The following C2CD5 variants were observed in gnomAD, a reference collection of about 807,000 sequenced individuals.
C2CD5 encodes C2 calcium dependent domain containing 5.
In C2CD5, 109 loss-of-function variants were observed where a neutral mutation model predicts 130.3. The observed-to-expected ratio is 0.84, with a 90% CI of 0.72 to 0.98. The LOEUF is 0.98. Ranked by LOEUF, C2CD5 falls within the 50% of genes least tolerant of loss-of-function variation. C2CD5 has a pLI of 0.00. For synonymous variants in C2CD5, 454 were observed against 429.2 expected (o/e 1.06, Z -0.71); for missense variants, 996 against 1,261.8 (o/e 0.79, Z 3.19).
At chr12:22,516,436 A>G (rs985780508) in intron 8 of C2CD5, among the ~76,000 whole-genome samples, 1 of 151,756 alleles carries the variant, frequency 6.6e-6, no homozygotes, top group African/African-American at 2.4e-5. Flanking sequence ...ATACATGAGA[A>G]TAACACCCCA....
chr12:22,512,747 T>A, intron 9 of C2CD5: 1 of 1,144,290 alleles, frequency 8.7e-7, no homozygotes. Context: ...CTGTAACTGC[T>A]TATTTTCCCA....
chr12:22,504,455 C>T (rs916381994), intron 10 of C2CD5, among the ~76,000 whole-genome samples: 4 of 152,048 alleles, frequency 2.6e-5, no homozygotes, highest in African/African-American at 9.7e-5. Flanking sequence ...GCGCCTGCCA[C>T]CAGGCCCAGC....
chr12:22,526,265 T>C (rs1356062178), intron 4 of C2CD5, among the ~76,000 whole-genome samples: 1 of 152,156 alleles, frequency 6.6e-6, no homozygotes, highest in Non-Finnish European at 1.5e-5. Context: ...CCATTTGAAT[T>C]GATGATGATG....
intron 23 of C2CD5, among the ~76,000 whole-genome samples, chr12:22,459,018 A>AT (rs1940559670): frequency 6.6e-6 from 1 of 152,232 alleles, no homozygotes; most frequent in African/African-American, 2.4e-5. Flanking sequence ...AGAGAATCAA[A>AT]TGTTGAAGAA....
At chr12:22,455,965 G>A (rs768268705) in intron 25 of C2CD5, among the ~76,000 whole-genome samples, 1 of 152,182 alleles carries the variant, frequency 6.6e-6, no homozygotes, top group Non-Finnish European at 1.5e-5. Flanking sequence ...GAATATAGGC[G>A]TGAGCCACTG....
Position 22,478,321 on chromosome 12 carries a change from T to A in C2CD5, c.1894A>T (p.Asn632Tyr), listed in dbSNP as rs771157293. 6.2e-7 allele frequency: 1 copy of A among 1,610,330 alleles called. No homozygotes were observed. Among genetic ancestry groups the A allele is most frequent in the Non-Finnish European group, 8.5e-7 (1 of 1,176,722 alleles). Residue 632 changes from asparagine to tyrosine, a missense_variant, in exon 15 of 27, where the codon AAT becomes TAT. Asn to Tyr is a moderately radical substitution (Grantham distance 143, BLOSUM62 -2). Coordinates refer to ENST00000446597, the MANE Select transcript of C2CD5 (RefSeq NM_001286176.2). Reference protein sequence around the residue: ...IAKNKELYEINPPEISEEIIG... With the variant: ...IAKNKELYEIYPPEISEEIIG... Reference sequence around the variant, plus strand: ...AGGTTTGTTTTACTTACTGGAGGATTGATTTCATATAACTCTTTGTTTTTA... The same window carrying A: ...AGGTTTGTTTTACTTACTGGAGGATAGATTTCATATAACTCTTTGTTTTTA...
chr12:22,518,525 G>C (rs904126841), intron 7 of C2CD5, among the ~76,000 whole-genome samples: 10 of 152,062 alleles, frequency 6.6e-5, no homozygotes, highest in Non-Finnish European at 1.2e-4. Context: ...TTTTATATTT[G>C]CACACACACA....
At chr12:22,471,341 T>C in intron 20 of C2CD5, 58 bp downstream of exon 20, 1 of 919,850 alleles carries the variant, frequency 1.1e-6, no homozygotes, top group East Asian at 2.5e-5. Flanking sequence ...GATAAACAGA[T>C]AATGAAAATA....
chr12:22,506,883 T>C lies in C2CD5; in HGVS notation c.1039-64A>G, dbSNP rs1948607588. On this transcript the variant is annotated intron_variant, in intron 9 of 26. Transcript: ENST00000446597. ...TGTAGAGTGTAAAAAATTTGCTTAT[T>C]AAAAAGCTTGCCATAGCAACTGTAT... 2.1e-5 allele frequency: 21 copies of C among 1,000,744 alleles called. No individual in the cohort carries two copies. In the South Asian group the frequency reaches 2.6e-4, roughly 12 times the overall value. The allele number at this position is 1,000,744 out of a possible 1,614,324, so 62.0% of individuals were successfully genotyped here.
intron 3 of C2CD5, among the ~76,000 whole-genome samples, chr12:22,530,766 A>G (rs1043837428): frequency 6.6e-6 from 1 of 152,166 alleles, no homozygotes; most frequent in Non-Finnish European, 1.5e-5. Flanking sequence ...CACTAACTTA[A>G]GAAATTTTAA....
intron 10 of C2CD5, among the ~76,000 whole-genome samples, chr12:22,506,399 A>G (rs928763709): frequency 6.6e-6 from 1 of 152,206 alleles, no homozygotes; most frequent in Admixed American, 6.5e-5. Context: ...CTAACATCTT[A>G]AACTAATGGC....
intron 11 of C2CD5, 63 bp downstream of exon 11, chr12:22,493,160 T>C: frequency 1.1e-6 from 1 of 907,838 alleles, no homozygotes; most frequent in Non-Finnish European, 1.7e-6. Flanking sequence ...GCATGAAGCT[T>C]TTCCCCTTTC....
chr12:22,517,238 C>A (rs1949822471), intron 8 of C2CD5, among the ~76,000 whole-genome samples: 1 of 151,528 alleles, frequency 6.6e-6, no homozygotes, highest in South Asian at 2.1e-4. Flanking sequence ...GACAAAAATA[C>A]TATTTATAAA....
chr12:22,486,769 G>C (rs886484835), intron 12 of C2CD5, among the ~76,000 whole-genome samples: 1 of 152,106 alleles, frequency 6.6e-6, no homozygotes, highest in South Asian at 2.1e-4. Context: ...AATGTTGGTA[G>C]AACTAGAGTG....
chr12:22,508,265 A>T (rs1457984806), intron 9 of C2CD5, among the ~76,000 whole-genome samples: 2 of 152,208 alleles, frequency 1.3e-5, no homozygotes, highest in Non-Finnish European at 2.9e-5. Context: ...GAGAAAGAAA[A>T]ATCTATGCTA....
chr12:22,529,629 T>C (rs1420014940), intron 3 of C2CD5, among the ~76,000 whole-genome samples: 3 of 152,218 alleles, frequency 2.0e-5, no homozygotes, highest in Non-Finnish European at 4.4e-5. Context: ...CAAAATATTA[T>C]AAATTAAGAC....
At chr12:22,450,958 C>T (rs73261842) in intron 26 of C2CD5, among the ~76,000 whole-genome samples, 3,073 of 151,924 alleles carry the variant, frequency 0.02, 110 homozygotes, top group African/African-American at 0.07. Context: ...AGCTGAGGAG[C>T]AATATGTACT....
At chr12:22,466,553 T>G (rs1329916894) in intron 22 of C2CD5, among the ~76,000 whole-genome samples, 1 of 152,162 alleles carries the variant, frequency 6.6e-6, no homozygotes, top group Non-Finnish European at 1.5e-5. Flanking sequence ...TACTCCATTT[T>G]TAAGACTCTA....
chr12:22,519,254 G>C, intron 7 of C2CD5: 1 of 1,533,720 alleles, frequency 6.5e-7, no homozygotes, highest in Admixed American at 2.0e-5. Flanking sequence ...GGGAATTTGT[G>C]GTCAAAGTGG....
Sources: gnomAD v4.1 joint callset for allele counts (sites outside exome capture counted in the v4.1 genomes callset) on GRCh38, gnomAD v4.1.1 for gene constraint, MANE v1.5 for transcripts, NCBI Gene and HGNC (gene_info 2026-07-23, HGNC 2026-07-21) for gene names.